Variants in ASXL2 observed in about 807,000 individuals in gnomAD.
The protein encoded by ASXL2 is putative Polycomb group protein ASXL2.
ASXL2 carries 23 observed loss-of-function variants against 122.0 expected under a neutral mutation model. That is an observed-to-expected ratio of 0.19 (90% CI 0.14 to 0.27). The LOEUF is 0.27. ASXL2 is among the 10% of genes least tolerant of loss of function. ASXL2 has a pLI of 1.00. For missense variants in ASXL2, 1,518 were observed against 1,713.8 expected, an observed-to-expected ratio of 0.89 and a Z score of 2.02; for synonymous variants, 650 against 637.0, an observed-to-expected ratio of 1.02 and a Z score of -0.31.
chr2:25,756,327 T>C (rs2088132637), intron 9 of ASXL2, among the ~76,000 whole-genome samples: 1 of 151,850 alleles, frequency 6.6e-6, no homozygotes, highest in African/African-American at 2.4e-5. Flanking sequence ...TCCTCACTCC[T>C]TTCTCTCCAT....
chr2:25,768,903 C>A, intron 6 of ASXL2, 35 bp from the exon 7 acceptor site: 1 of 1,595,352 alleles, frequency 6.3e-7, no homozygotes, highest in Non-Finnish European at 8.5e-7. Context: ...GAAACAAAAC[C>A]AATCAGTTTT....
intron 3 of ASXL2, among the ~76,000 whole-genome samples, chr2:25,807,250 T>C (rs1479654303): frequency 6.6e-6 from 1 of 152,194 alleles, no homozygotes; most frequent in Non-Finnish European, 1.5e-5. Flanking sequence ...CTCAGTTTTC[T>C]GTTGATGCTA....
At chr2:25,828,443 T>C (rs1031726332) in intron 3 of ASXL2, among the ~76,000 whole-genome samples, 1 of 145,658 alleles carries the variant, frequency 6.9e-6, no homozygotes, top group African/African-American at 2.6e-5. Flanking sequence ...GAGATGGAGG[T>C]TGCAGTGAGC....
chr2:25,855,445 G>A (rs1400870839), intron 1 of ASXL2, among the ~76,000 whole-genome samples: 2 of 152,162 alleles, frequency 1.3e-5, no homozygotes, highest in Non-Finnish European at 2.9e-5. Flanking sequence ...AAGGCGGGCA[G>A]ATTCCCTGAG....
At chr2:25,855,014 G>A (rs1404978020) in intron 1 of ASXL2, among the ~76,000 whole-genome samples, 1 of 152,086 alleles carries the variant, frequency 6.6e-6, no homozygotes, top group African/African-American at 2.4e-5. Context: ...AACCTCCTCA[G>A]CTCTGGCAGA....
At position 25,735,864 on chromosome 2, in the gene ASXL2, G is replaced by C. The variant is rs188497079; in HGVS notation, c.*6165C>G. ...AGGGACCTTCTTTCTTCATGTATTT[G>C]CCACTACTGTGTCCAGTGTCTCAAA... is the stretch of plus-strand genomic sequence containing the variant. On this transcript the variant is annotated 3_prime_UTR_variant, in exon 13 of 13. Coordinates refer to ENST00000435504, the MANE Select transcript of ASXL2 (RefSeq NM_018263.6). 7 of 152,020 alleles carry C rather than the reference G, an allele frequency of 4.6e-5. No individual in the cohort carries two copies. Among genetic ancestry groups the C allele is most frequent in the Admixed American group, 3.9e-4 (6 of 15,272 alleles). The allele number at this position is 152,020 out of a possible 1,614,324, so 9.4% of individuals were successfully genotyped here.
At chr2:25,860,541 C>T (rs1324065320) in intron 1 of ASXL2, among the ~76,000 whole-genome samples, 2 of 151,326 alleles carry the variant, frequency 1.3e-5, no homozygotes, top group African/African-American at 4.9e-5. Flanking sequence ...GGTGAAACCC[C>T]GTACCTACTA....
intron 1 of ASXL2, among the ~76,000 whole-genome samples, chr2:25,848,194 C>A (rs930969276): frequency 6.6e-6 from 1 of 152,104 alleles, no homozygotes; most frequent in African/African-American, 2.4e-5. Flanking sequence ...ATGAGCCACA[C>A]TCAGAACTGA....
rs2090028529 is a variant in ASXL2 at position 25,878,381 on chromosome 2, G to C, written c.-159C>G. 5 of 642,926 alleles carry C rather than the reference G, an allele frequency of 7.8e-6. No individual in the cohort carries two copies. The South Asian group carries it at 9.5e-5, about 12-fold the overall frequency. 39.8% of individuals were successfully genotyped at this position (642,926 alleles called of 1,614,324 possible). A position where few individuals can be genotyped will look rare whatever the true frequency, so the allele number is the denominator to read the frequency against. ...CCAAGCAGAGGAAGCGGCGGGGGTG[G>C]TGCGCGGGGGGGTCTATGGGGCGGC... On this transcript the variant is annotated 5_prime_UTR_variant, in exon 1 of 13. Coordinates refer to ENST00000435504, the MANE Select transcript of ASXL2 (RefSeq NM_018263.6).
chr2:25,859,525 C>T (rs878864819), intron 1 of ASXL2, among the ~76,000 whole-genome samples: 5 of 152,140 alleles, frequency 3.3e-5, no homozygotes, highest in East Asian at 3.9e-4. Context: ...CCAATCTCTC[C>T]GAAAGAAATA....
intron 4 of ASXL2, 56 bp downstream of exon 4, chr2:25,806,173 A>G (rs556403443): frequency 5.4e-6 from 6 of 1,111,324 alleles, no homozygotes; most frequent in Admixed American, 2.1e-5. Flanking sequence ...TCAAATATTT[A>G]TATGTGGTCA....
intron 3 of ASXL2, chr2:25,810,384 C>A: frequency 1.5e-6 from 1 of 668,312 alleles, no homozygotes; most frequent in Non-Finnish European, 2.8e-6. Flanking sequence ...TAACAACCTT[C>A]ATATCTCTCT....
intron 1 of ASXL2, among the ~76,000 whole-genome samples, chr2:25,871,070 A>G (rs115890119): frequency 1.2e-3 from 183 of 152,342 alleles, no homozygotes; most frequent in African/African-American, 3.9e-3. Context: ...TCTAAAATTT[A>G]GCTCATTCAA....
At chr2:25,844,686 C>CACCAAG (rs2149192983) in intron 2 of ASXL2, among the ~76,000 whole-genome samples, 1 of 151,224 alleles carries the variant, frequency 6.6e-6, no homozygotes, top group African/African-American at 2.4e-5. Context: ...CTTGCTCTGT[C>CACCAAG]ACCAAGGCTG....
At position 25,736,592 on chromosome 2, in the gene ASXL2, C is replaced by T. The variant is rs2087739266; in HGVS notation, c.*5437G>A. The T allele has an allele frequency of 6.6e-6, 1 of 151,278 alleles. No individual in the cohort carries two copies. Among genetic ancestry groups the T allele is most frequent in the Non-Finnish European group, 1.5e-5 (1 of 67,928 alleles). The allele number at this position is 151,278 out of a possible 1,614,324, so 9.4% of individuals were successfully genotyped here. On this transcript the variant is annotated 3_prime_UTR_variant, in exon 13 of 13. Transcript: ENST00000435504. ...CCAACGTCTTGGGACAACCCAGATA[C>T]TTGACATTCCAGTATCTGAAAAATA...
At position 25,856,024 on chromosome 2, in the gene ASXL2, G is replaced by C. The variant is rs1041359885; in HGVS notation, c.58-10461C>G. Among the ~76,000 whole-genome samples, 11 of 151,810 alleles carry C rather than the reference G, an allele frequency of 7.2e-5. No individual in the cohort carries two copies. The East Asian group carries it at 2.2e-3, about 30-fold the overall frequency. On this transcript the variant is annotated intron_variant, in intron 1 of 12. Transcript: ENST00000435504. The stretch of plus-strand genomic sequence containing the variant: ...TTCTCTGACCTCAGCCTCCCGAGTA[G>C]CTGGGATTACAGGCATGCACCACCA...
intron 11 of ASXL2, among the ~76,000 whole-genome samples, chr2:25,753,124 C>G (rs1024352326): frequency 6.6e-6 from 1 of 151,578 alleles, no homozygotes; most frequent in African/African-American, 2.4e-5. Context: ...TGCACCACCA[C>G]GCCCAACTAA....
chr2:25,822,520 G>C (rs1309194693), intron 3 of ASXL2: 6 of 492,176 alleles, frequency 1.2e-5, no homozygotes, highest in Admixed American at 2.7e-5. Flanking sequence ...TGTCTTCACT[G>C]AATTCTGTGA....
intron 5 of ASXL2, among the ~76,000 whole-genome samples, chr2:25,774,219 C>T (rs1031296217): frequency 2.6e-5 from 4 of 151,892 alleles, no homozygotes; most frequent in Admixed American, 2.6e-4. Flanking sequence ...ATATAATTTA[C>T]TTATACAAAC....
Sources: gnomAD v4.1 joint callset for allele counts (sites outside exome capture counted in the v4.1 genomes callset) on GRCh38, gnomAD v4.1.1 for gene constraint, MANE v1.5 for transcripts, NCBI Gene and HGNC (gene_info 2026-07-23, HGNC 2026-07-21) for gene names.